The following STPG2 variants were observed in gnomAD, a reference collection of about 807,000 sequenced individuals.
STPG2 encodes sperm-tail PG-rich repeat-containing protein 2.
A neutral mutation model predicts 54.2 loss-of-function variants in STPG2; 56 were observed. The ratio of observed to expected loss-of-function variants is 1.03; its 90% CI spans 0.83 to 1.29. The LOEUF (loss-of-function observed/expected upper bound fraction) is 1.29. STPG2 is among the 50% of genes most tolerant of loss of function. The pLI, the probability that STPG2 is intolerant of heterozygous loss-of-function variation, is 0.00. For synonymous variants in STPG2, 200 were observed against 181.8 expected, an observed-to-expected ratio of 1.10 and a Z score of -0.81; for missense variants, 596 against 544.9, an observed-to-expected ratio of 1.09 and a Z score of -0.93.
At chr4:97,774,478 T>A (rs2149065081) in intron 9 of STPG2, among the ~76,000 whole-genome samples, 1 of 152,320 alleles carries the variant, frequency 6.6e-6, no homozygotes, top group East Asian at 1.9e-4. Context: ...TTTTGTGGCT[T>A]GCCTAAGAAA....
At chr4:97,575,773 G>A (rs1732707565) in intron 10 of STPG2, among the ~76,000 whole-genome samples, 1 of 151,984 alleles carries the variant, frequency 6.6e-6, no homozygotes, top group South Asian at 2.1e-4. Context: ...AGAGCAATCA[G>A]GCAAGACAAA....
At chr4:97,461,775 G>T (rs1729670542) in intron 4 of STPG2, among the ~76,000 whole-genome samples, 1 of 151,964 alleles carries the variant, frequency 6.6e-6, no homozygotes, top group Admixed American at 6.6e-5. Flanking sequence ...TAATGTGCCT[G>T]TTCAAGTCTT....
intron 9 of STPG2, among the ~76,000 whole-genome samples, chr4:97,723,252 T>C (rs1379049266): frequency 6.6e-6 from 1 of 152,084 alleles, no homozygotes; most frequent in Non-Finnish European, 1.5e-5. Flanking sequence ...GTCGTTACTT[T>C]TGGAGTTTTT....
intron 9 of STPG2, among the ~76,000 whole-genome samples, chr4:97,818,857 C>A (rs1054263299): frequency 1.3e-5 from 2 of 150,574 alleles, no homozygotes; most frequent in Non-Finnish European, 3.0e-5. Flanking sequence ...ATAATTTTAT[C>A]TATAATATAT....
intron 8 of STPG2, among the ~76,000 whole-genome samples, chr4:97,931,279 C>A (rs1732536743): frequency 6.6e-6 from 1 of 152,192 alleles, no homozygotes. Flanking sequence ...AAAAGGAATA[C>A]TTCCAGCTTT....
At chr4:98,089,307 G>C (rs1394079258) in intron 5 of STPG2, among the ~76,000 whole-genome samples, 1 of 151,984 alleles carries the variant, frequency 6.6e-6, no homozygotes, top group Non-Finnish European at 1.5e-5. Context: ...TACAATATTC[G>C]ATTTTCCATT....
rs2903151 is a variant in STPG2, at chr4:98,106,067, T to C, written c.501-3A>G. On this transcript the variant is annotated splice_polypyrimidine_tract_variant and splice_region_variant and intron_variant, in intron 4 of 10. Coordinates refer to ENST00000295268, the MANE Select transcript of STPG2 (RefSeq NM_174952.3). ...TTTCATAATATGATGTCTTTTTCCT[T>C]CAGAAAATTCAAATAGAAATTAAGA... The C allele has an allele frequency of 0.36, 475,860 of 1,334,952 alleles. 92,080 individuals are homozygous for C. Among genetic ancestry groups the C allele is most frequent in the African/African-American group, 0.43 (28,645 of 66,432 alleles). The allele number at this position is 1,334,952 out of a possible 1,614,324, so 82.7% of individuals were successfully genotyped here. A position where few individuals can be genotyped will look rare whatever the true frequency, so the allele number is the denominator to read the frequency against.
At chr4:97,939,846 C>G (rs531487115) in intron 8 of STPG2, among the ~76,000 whole-genome samples, 6 of 152,166 alleles carry the variant, frequency 3.9e-5, no homozygotes, top group African/African-American at 1.4e-4. Context: ...TGGCATTGTG[C>G]TGTTAGCTGG....
chr4:97,495,267 T>A (rs1366523613), intron 4 of STPG2, among the ~76,000 whole-genome samples: 2 of 151,534 alleles, frequency 1.3e-5, no homozygotes, highest in African/African-American at 4.8e-5. Context: ...CCTATTTTCT[T>A]TTTTAAGTCA....
chr4:98,010,961 T>A (rs1443872142), intron 5 of STPG2, among the ~76,000 whole-genome samples: 1 of 152,176 alleles, frequency 6.6e-6, no homozygotes, highest in Admixed American at 6.5e-5. Flanking sequence ...AACTTTGTAA[T>A]TTTTTTATTT....
intron 9 of STPG2, among the ~76,000 whole-genome samples, chr4:97,783,585 A>G (rs1194883161): frequency 6.6e-6 from 1 of 152,232 alleles, no homozygotes; most frequent in African/African-American, 2.4e-5. Context: ...GTATATACCC[A>G]AAGGATTATA....
intron 7 of STPG2, among the ~76,000 whole-genome samples, chr4:97,967,138 G>A (rs1734132323): frequency 6.8e-6 from 1 of 146,710 alleles, no homozygotes; most frequent in South Asian, 2.2e-4. Flanking sequence ...GACACACACA[G>A]GCTCAAAATA....
intron 4 of STPG2, among the ~76,000 whole-genome samples, chr4:97,475,560 A>G (rs1282816612): frequency 1.3e-5 from 2 of 151,778 alleles, no homozygotes; most frequent in East Asian, 3.9e-4. Context: ...TCCATATAAT[A>G]TTGTGTACTG....
chr4:97,541,224 T>A (rs942779516), intron 4 of STPG2, among the ~76,000 whole-genome samples: 11 of 152,060 alleles, frequency 7.2e-5, no homozygotes, highest in Admixed American at 1.3e-4. Flanking sequence ...GAAAACCCCA[T>A]CATCTCAGCC....
intron 5 of STPG2, among the ~76,000 whole-genome samples, chr4:98,027,990 A>T (rs1736479371): frequency 6.6e-6 from 1 of 152,124 alleles, no homozygotes; most frequent in Non-Finnish European, 1.5e-5. Context: ...CACTCCACAC[A>T]ACAGCTCCTC....
At chr4:97,796,703 T>G (rs1578572173) in intron 9 of STPG2, among the ~76,000 whole-genome samples, 1 of 152,228 alleles carries the variant, frequency 6.6e-6, no homozygotes, top group African/African-American at 2.4e-5. Flanking sequence ...TAGTTCCATA[T>G]AAACTTTAAA....
intron 4 of STPG2, among the ~76,000 whole-genome samples, chr4:97,452,114 G>GCCACA (rs1729386507): frequency 5.9e-5 from 1 of 17,014 alleles, no homozygotes; most frequent in Admixed American, 6.7e-4. Flanking sequence ...CAGGAGCCCC[G>GCCACA]CCCCCACCCC....
At chr4:97,965,070 G>T (rs1187035983) in intron 7 of STPG2, among the ~76,000 whole-genome samples, 1 of 152,192 alleles carries the variant, frequency 6.6e-6, no homozygotes, top group Non-Finnish European at 1.5e-5. Context: ...GAGGTTGAGG[G>T]ATTTCCCTTT....
chr4:97,446,784 G>A (rs1729233341), intron 4 of STPG2, among the ~76,000 whole-genome samples: 2 of 152,124 alleles, frequency 1.3e-5, no homozygotes. Context: ...AGTTTCCCAA[G>A]GCCTCCCCAG....
Sources: gnomAD v4.1 joint callset for allele counts (sites outside exome capture counted in the v4.1 genomes callset) on GRCh38, gnomAD v4.1.1 for gene constraint, MANE v1.5 for transcripts, NCBI Gene and HGNC (gene_info 2026-07-23, HGNC 2026-07-21) for gene names.